Variants in DPP10 observed in about 807,000 individuals in gnomAD.
DPP10 encodes dipeptidyl peptidase like 10.
DPP10 carries 33 observed loss-of-function variants against 120.9 expected under a neutral mutation model. That is an observed-to-expected ratio of 0.27 (90% CI 0.21 to 0.37). The LOEUF is 0.37. DPP10 is among the 10% of genes least tolerant of loss of function. The pLI, the probability that DPP10 is intolerant of heterozygous loss-of-function variation, is 1.00. For missense variants in DPP10, 816 were observed against 942.8 expected (o/e 0.87, Z 1.76); for synonymous variants, 337 against 326.1 (o/e 1.03, Z -0.36).
intron 1 of DPP10, among the ~76,000 whole-genome samples, chr2:115,037,549 A>G (rs1380103654): frequency 6.6e-6 from 1 of 152,184 alleles, no homozygotes; most frequent in Non-Finnish European, 1.5e-5. Context: ...TTATGCAGTG[A>G]TTTTCAAAGC....
In DPP10 at chr2:114,587,810, A is replaced by G. The variant is rs755144898; in HGVS notation, c.60+144972A>G. On this transcript the variant is annotated intron_variant, in intron 1 of 25. Coordinates refer to ENST00000410059, the MANE Select transcript of DPP10 (RefSeq NM_020868.6). ...TTAGCATGGTGGGAGCACATAGTAC[A>G]TTGATTTAAACTAAAAATACTAGAA... Among the ~76,000 whole-genome samples, 17 of 152,222 alleles carry G rather than the reference A, an allele frequency of 1.1e-4. 1 individual carries two copies. The highest frequency in any genetic ancestry group is 6.2e-4 in the South Asian group (3 of 4,830).
At chr2:115,000,495 T>G (rs1701370023) in intron 1 of DPP10, among the ~76,000 whole-genome samples, 1 of 152,218 alleles carries the variant, frequency 6.6e-6, no homozygotes, top group Admixed American at 6.5e-5. Flanking sequence ...TCTGTACCTG[T>G]ATTTAGGAAT....
chr2:115,245,761 G>C (rs2058505737), intron 1 of DPP10, among the ~76,000 whole-genome samples: 1 of 152,078 alleles, frequency 6.6e-6, no homozygotes, highest in Admixed American at 6.6e-5. Context: ...TGTTACTTTT[G>C]TTGCTGAGTT....
chr2:114,808,278 T>C (rs941825531), intron 1 of DPP10, among the ~76,000 whole-genome samples: 2 of 152,220 alleles, frequency 1.3e-5, no homozygotes, highest in South Asian at 2.1e-4. Context: ...CTGTTCTTAA[T>C]AGATATTTGA....
chr2:114,731,783 T>A (rs1475265416), intron 1 of DPP10, among the ~76,000 whole-genome samples: 1 of 152,064 alleles, frequency 6.6e-6, no homozygotes, highest in Admixed American at 6.5e-5. Context: ...ATGAGAAGGT[T>A]GTGGGGACAC....
chr2:114,738,930 G>A (rs1286394921), intron 1 of DPP10, among the ~76,000 whole-genome samples: 3 of 152,072 alleles, frequency 2.0e-5, no homozygotes, highest in Non-Finnish European at 4.4e-5. Context: ...AAGCCCAGAA[G>A]CCCACCCCTG....
At chr2:114,524,964 A>G (rs1014031828) in intron 1 of DPP10, among the ~76,000 whole-genome samples, 2 of 152,048 alleles carry the variant, frequency 1.3e-5, no homozygotes. Context: ...ATCATTGGTC[A>G]TTGTCTCAGC....
chr2:115,161,660 C>T, intron 1 of DPP10: 1 of 301,452 alleles, frequency 3.3e-6, no homozygotes, highest in Non-Finnish European at 6.1e-6. Context: ...CCGCTCGCCG[C>T]TGCACTAACT....
intron 1 of DPP10, among the ~76,000 whole-genome samples, chr2:114,622,598 T>A (rs560426513): frequency 6.6e-6 from 1 of 152,206 alleles, no homozygotes; most frequent in South Asian, 2.1e-4. Context: ...AATCTTCCCA[T>A]CAACTCTAGG....
intron 1 of DPP10, among the ~76,000 whole-genome samples, chr2:114,554,793 C>T (rs1420978662): frequency 6.6e-6 from 1 of 152,226 alleles, no homozygotes; most frequent in Non-Finnish European, 1.5e-5. Flanking sequence ...ATGGTTTGTA[C>T]ATCTTCTGCC....
intron 8 of DPP10, among the ~76,000 whole-genome samples, chr2:115,728,464 T>G (rs1159074096): frequency 6.6e-6 from 1 of 152,110 alleles, no homozygotes; most frequent in Non-Finnish European, 1.5e-5. Context: ...TAAAAATAAA[T>G]CAGGTGATGA....
At chr2:115,032,729 A>C (rs1287968758) in intron 1 of DPP10, among the ~76,000 whole-genome samples, 1 of 151,792 alleles carries the variant, frequency 6.6e-6, no homozygotes, top group African/African-American at 2.4e-5. Flanking sequence ...GAAAAAAAAA[A>C]CAAAAATTAG....
intron 1 of DPP10, among the ~76,000 whole-genome samples, chr2:114,932,630 A>C (rs1265253180): frequency 6.6e-6 from 1 of 152,216 alleles, no homozygotes; most frequent in Non-Finnish European, 1.5e-5. Context: ...TAGAAATCAG[A>C]ATAGTGTAAC....
At chr2:115,379,797 C>A (rs1416228726) in intron 3 of DPP10, among the ~76,000 whole-genome samples, 2 of 152,158 alleles carry the variant, frequency 1.3e-5, no homozygotes, top group Non-Finnish European at 2.9e-5. Context: ...TTTCTGCCTT[C>A]ATTTCATTAT....
intron 5 of DPP10, among the ~76,000 whole-genome samples, chr2:115,602,606 C>G (rs1386275659): frequency 1.3e-5 from 2 of 151,858 alleles, no homozygotes; most frequent in Non-Finnish European, 2.9e-5. Flanking sequence ...TTTTATAATA[C>G]TAAGATTTCA....
chr2:115,433,366 A>G (rs2071184895), intron 3 of DPP10, among the ~76,000 whole-genome samples: 1 of 151,952 alleles, frequency 6.6e-6, no homozygotes, highest in Non-Finnish European at 1.5e-5. Context: ...AATTTCTATT[A>G]TCTTAATAAT....
chr2:115,353,017 A>G, intron 3 of DPP10, among the ~76,000 whole-genome samples: 1 of 152,278 alleles, frequency 6.6e-6, no homozygotes, highest in African/African-American at 2.4e-5. Context: ...GTTCAAAAAA[A>G]AAATATAATT....
chr2:115,632,019 T>C lies in DPP10; in HGVS notation c.442-57668T>C, dbSNP rs555059270. ...TTATATTGACAGTGGGGTGTTGAAG[T>C]CTCACACTGTTACTATGTGGGAATC... On this transcript the variant is annotated intron_variant, in intron 5 of 25. Transcript: ENST00000410059. Among the ~76,000 whole-genome samples the C allele has an allele frequency of 2.0e-5, 3 of 152,294 alleles. No individual in the cohort carries two copies. In the East Asian group the frequency reaches 5.8e-4, roughly 29 times the overall value.
intron 1 of DPP10, among the ~76,000 whole-genome samples, chr2:114,556,694 G>A (rs1356467904): frequency 6.6e-6 from 1 of 152,048 alleles, no homozygotes; most frequent in Non-Finnish European, 1.5e-5. Context: ...ATAGAGAAGA[G>A]GTTTGAAGAC....
Sources: allele counts gnomAD v4.1 joint callset (sites outside exome capture counted in the v4.1 genomes callset), GRCh38; gene constraint gnomAD v4.1.1; transcripts MANE v1.5; gene names NCBI Gene and HGNC (gene_info 2026-07-23, HGNC 2026-07-21).